The following ARHGEF7 variants were observed in gnomAD, a reference collection of about 807,000 sequenced individuals.
ARHGEF7 encodes PAK-interacting exchange factor beta.
In ARHGEF7, 33 loss-of-function variants were observed where a neutral mutation model predicts 109.8. That is an observed-to-expected ratio of 0.30 (90% CI 0.23 to 0.40). ARHGEF7 has a LOEUF of 0.40. Among genes scored for constraint, ARHGEF7 ranks in the 10% least tolerant of loss-of-function variants. The pLI is 1.00. For missense variants in ARHGEF7, 938 were observed against 1,098.5 expected, an observed-to-expected ratio of 0.85 and a Z score of 2.07; for synonymous variants, 458 against 424.6, an observed-to-expected ratio of 1.08 and a Z score of -0.97.
intron 1 of ARHGEF7, among the ~76,000 whole-genome samples, chr13:111,129,281 A>T (rs949671230): frequency 3.3e-5 from 5 of 152,204 alleles, no homozygotes; most frequent in African/African-American, 1.2e-4. Flanking sequence ...AAGAGAAAAC[A>T]TTTGTGACTT....
chr13:111,133,793 ATATATATATATATATATAT>A (rs1566606833), intron 1 of ARHGEF7, among the ~76,000 whole-genome samples: 17,499 of 104,066 alleles, frequency 0.17, 2,763 homozygotes, highest in Middle Eastern at 0.21. Context: ...ATATATATAT[ATATATATATATATATATAT>A]ATTTATTATA....
intron 1 of ARHGEF7, among the ~76,000 whole-genome samples, chr13:111,143,045 A>T (rs908987160): frequency 6.6e-6 from 1 of 152,214 alleles, no homozygotes. Context: ...GACACTTCAG[A>T]AGCAAATCTG....
At chr13:111,127,972 G>C (rs768933868) in intron 1 of ARHGEF7, among the ~76,000 whole-genome samples, 58 of 152,250 alleles carry the variant, frequency 3.8e-4, no homozygotes, top group Middle Eastern at 3.4e-3. Flanking sequence ...TATCTCAATG[G>C]ATGGCAGAAA....
chr13:111,287,757 A>G (rs114175904), intron 17 of ARHGEF7, among the ~76,000 whole-genome samples: 3,264 of 152,324 alleles, frequency 0.021, 120 homozygotes, highest in African/African-American at 0.075. Context: ...GTGTGGGCCC[A>G]AGCTCCCCTG....
chr13:111,173,092 C>T (rs1479630255), intron 2 of ARHGEF7, among the ~76,000 whole-genome samples: 1 of 152,226 alleles, frequency 6.6e-6, no homozygotes, highest in Admixed American at 6.5e-5. Context: ...GTATTTCCTT[C>T]CAGCATTTTT....
At chr13:111,167,911 A>C (rs1054058119) in intron 2 of ARHGEF7, among the ~76,000 whole-genome samples, 1 of 152,212 alleles carries the variant, frequency 6.6e-6, no homozygotes, top group Non-Finnish European at 1.5e-5. Flanking sequence ...CGCTTTCCGG[A>C]GGACAGAACA....
chr13:111,153,782 T>C lies in ARHGEF7; in HGVS notation c.166-123T>C, dbSNP rs1163572635. 6 of 1,382,404 alleles carry C rather than the reference T, an allele frequency of 4.3e-6. No homozygotes were observed. The South Asian group carries it at 5.0e-5, about 11-fold the overall frequency. The allele number at this position is 1,382,404 out of a possible 1,614,324, so 85.6% of individuals were successfully genotyped here. A position where few individuals can be genotyped will look rare whatever the true frequency, so the allele number is the denominator to read the frequency against. ...GGGGCAGCGGGCTCGCTCCAGGCCG[T>C]CGGGGGCCGCTCGCCAGCGTCGCCC... On this transcript the variant is annotated intron_variant, in intron 1 of 21. Transcript: ENST00000646102.
intron 1 of ARHGEF7, among the ~76,000 whole-genome samples, chr13:111,149,576 A>C (rs1254413588): frequency 2.0e-5 from 3 of 152,232 alleles, no homozygotes; most frequent in African/African-American, 7.2e-5. Flanking sequence ...TTGCCAACCA[A>C]TCAATACATA....
In ARHGEF7 at chr13:111,208,213, T is replaced by C. The variant is rs180929786; in HGVS notation, c.338-1659T>C. Among the ~76,000 whole-genome samples, 54 of 152,288 alleles carry C rather than the reference T, an allele frequency of 3.5e-4. No individual in the cohort carries two copies. The East Asian group carries it at 0.01, about 28-fold the overall frequency. On this transcript the variant is annotated intron_variant, in intron 3 of 21. Coordinates refer to ENST00000646102, the MANE Select transcript of ARHGEF7 (RefSeq NM_001354046.2). ...GTGGCACCACACCCGGCTAATTTTG[T>C]ATTTTTAGTAGAGGCGGGGTTTCTC...
At chr13:111,191,889 T>G (rs1242770886) in intron 2 of ARHGEF7, among the ~76,000 whole-genome samples, 3 of 152,168 alleles carry the variant, frequency 2.0e-5, no homozygotes, top group Admixed American at 1.3e-4. Context: ...ATTTTCGTCC[T>G]AGCAGGAGCT....
chr13:111,115,541 G>A lies in ARHGEF7; in HGVS notation c.15G>A (p.Glu5=). The stretch of plus-strand genomic sequence containing the variant: ...GGGCCGCAGCGATGAATTCCGCCGA[G>A]CAAACCGTTACGTGGCTCATCACTC... MNSA[E]QTVTWLITLG... is the part of the protein sequence containing the mutation. Residue 5 remains glutamate, a synonymous_variant, in exon 1 of 22, where the codon GAG becomes GAA. Coordinates refer to ENST00000646102, the MANE Select transcript of ARHGEF7 (RefSeq NM_001354046.2). 1.4e-6 allele frequency: 2 copies of A among 1,391,372 alleles called. No homozygotes were observed. Among genetic ancestry groups the A allele is most frequent in the Non-Finnish European group, 1.9e-6 (2 of 1,052,868 alleles). 86.2% of individuals were successfully genotyped at this position (1,391,372 alleles called of 1,614,324 possible).
At chr13:111,142,088 T>A (rs997799498) in intron 1 of ARHGEF7, among the ~76,000 whole-genome samples, 6 of 152,252 alleles carry the variant, frequency 3.9e-5, no homozygotes, top group Non-Finnish European at 7.3e-5. Flanking sequence ...ATGTTGGATA[T>A]CTTTTTATGT....
chr13:111,238,405 C>T (rs1389496113), intron 6 of ARHGEF7, among the ~76,000 whole-genome samples: 1 of 152,170 alleles, frequency 6.6e-6, no homozygotes, highest in Non-Finnish European at 1.5e-5. Context: ...CAGCAAAGTG[C>T]TGGACCTTAG....
chr13:111,271,936 G>A (rs1346047758), intron 9 of ARHGEF7, among the ~76,000 whole-genome samples: 13 of 152,168 alleles, frequency 8.5e-5, no homozygotes, highest in Non-Finnish European at 1.5e-4. Context: ...CAGAGGTGCC[G>A]CACCCACATC....
chr13:111,126,751 C>G (rs2067591114), intron 1 of ARHGEF7, among the ~76,000 whole-genome samples: 1 of 152,188 alleles, frequency 6.6e-6, no homozygotes, highest in Admixed American at 6.5e-5. Context: ...GCTCTTCAAA[C>G]AAATAACCTG....
chr13:111,271,362 T>C (rs1379850280), intron 9 of ARHGEF7, among the ~76,000 whole-genome samples: 2 of 152,082 alleles, frequency 1.3e-5, no homozygotes, highest in Non-Finnish European at 2.9e-5. Context: ...AGGTGGATGC[T>C]GAGGAAAGAA....
intron 1 of ARHGEF7, among the ~76,000 whole-genome samples, chr13:111,130,502 A>C (rs1019872237): frequency 1.3e-5 from 2 of 152,166 alleles, no homozygotes; most frequent in Non-Finnish European, 1.5e-5. Context: ...TGCAATGGTA[A>C]ATTGTGTACT....
chr13:111,293,243 C>A lies in ARHGEF7; in HGVS notation c.2311+949C>A, dbSNP rs533704290. The stretch of plus-strand genomic sequence containing the variant: ...AAAGTCAAGTGCTGTGGCTTCAGTT[C>A]CCCCGGCTCCCCACCCCTGACATCC... On this transcript the variant is annotated intron_variant, in intron 19 of 21. Coordinates refer to ENST00000646102, the MANE Select transcript of ARHGEF7 (RefSeq NM_001354046.2). 1.6e-5 allele frequency: 16 copies of A among 985,284 alleles called. No individual in the cohort carries two copies. In the African/African-American group the frequency reaches 2.6e-4, roughly 16 times the overall value. 61.0% of individuals were successfully genotyped at this position (985,284 alleles called of 1,614,324 possible).
At chr13:111,299,495 A>G (rs1287675805) in intron 19 of ARHGEF7, among the ~76,000 whole-genome samples, 1 of 151,940 alleles carries the variant, frequency 6.6e-6, no homozygotes, top group Non-Finnish European at 1.5e-5. Flanking sequence ...GGCGCCTGCC[A>G]CCACGCCCGG....
Sources: gnomAD v4.1 joint callset for allele counts (sites outside exome capture counted in the v4.1 genomes callset) on GRCh38, gnomAD v4.1.1 for gene constraint, MANE v1.5 for transcripts, NCBI Gene and HGNC (gene_info 2026-07-23, HGNC 2026-07-21) for gene names.